Variants in DNAH7 observed in about 807,000 individuals in gnomAD.
DNAH7 encodes the protein dynein axonemal heavy chain 7, also known as axonemal beta dynein heavy chain 7.
DNAH7 carries 397 observed loss-of-function variants against 444.6 expected under a neutral mutation model. The ratio of observed to expected loss-of-function variants is 0.89; its 90% CI spans 0.82 to 0.97. The LOEUF (loss-of-function observed/expected upper bound fraction) is 0.97. Ranked by LOEUF, DNAH7 falls within the 50% of genes least tolerant of loss-of-function variation. DNAH7 has a pLI of 0.00. For synonymous variants in DNAH7, 1,636 were observed against 1,624.4 expected (o/e 1.01, Z -0.17); for missense variants, 4,902 against 4,800.8 (o/e 1.02, Z -0.62).
At chr2:196,058,400 A>T (rs995267249) in intron 1 of DNAH7, among the ~76,000 whole-genome samples, 1 of 152,252 alleles carries the variant, frequency 6.6e-6, no homozygotes, top group South Asian at 2.1e-4. Context: ...ATGCATCCCA[A>T]TTCCACAGGG....
At chr2:195,796,437 CCTCT>C in intron 56 of DNAH7, 135 bp downstream of exon 56, 1 of 1,006,990 alleles carries the variant, frequency 9.9e-7, no homozygotes, top group Non-Finnish European at 1.4e-6. Flanking sequence ...TCAATGTGAG[CCTCT>C]CTCTCCTGCA....
intron 21 of DNAH7, among the ~76,000 whole-genome samples, chr2:195,929,992 C>A (rs1253162202): frequency 2.6e-5 from 4 of 152,204 alleles, no homozygotes; most frequent in Non-Finnish European, 5.9e-5. Flanking sequence ...GGTCTAATAT[C>A]CAGATTCTAT....
chr2:195,901,743 A>C (rs1686722965), intron 27 of DNAH7: 1 of 152,188 alleles, frequency 6.6e-6, no homozygotes, highest in Non-Finnish European at 1.5e-5. Context: ...ATCTGAAGTC[A>C]CAATGTCAGT....
chr2:195,918,296 CTCTCAT>C (rs748634488), intron 24 of DNAH7, among the ~76,000 whole-genome samples: 3 of 152,204 alleles, frequency 2.0e-5, no homozygotes, highest in Non-Finnish European at 2.9e-5. Context: ...CAGATAGGAA[CTCTCAT>C]TCACTGCTGA....
intron 5 of DNAH7, among the ~76,000 whole-genome samples, chr2:196,045,185 A>G: frequency 6.8e-6 from 1 of 147,698 alleles, no homozygotes; most frequent in East Asian, 2.0e-4. Flanking sequence ...GGAAGAGAAG[A>G]GGAGAAGGAG....
intron 19 of DNAH7, among the ~76,000 whole-genome samples, chr2:195,950,851 CAAAAA>C (rs67782183): frequency 3.5e-3 from 129 of 36,712 alleles, no homozygotes; most frequent in African/African-American, 0.011. Context: ...GACTCTGTCT[CAAAAA>C]AAAAAAAAAA....
At chr2:195,950,934 C>T (rs913484679) in intron 19 of DNAH7, among the ~76,000 whole-genome samples, 3 of 147,774 alleles carry the variant, frequency 2.0e-5, no homozygotes, top group African/African-American at 7.4e-5. Context: ...TCTCTATCTC[C>T]TTCAGTTCTG....
intron 63 of DNAH7, among the ~76,000 whole-genome samples, chr2:195,749,747 CCGCGTATTCT>C (rs1693668640): frequency 2.0e-5 from 3 of 151,226 alleles, no homozygotes; most frequent in Admixed American, 6.6e-5. Flanking sequence ...AAACCAAACA[CCGCGTATTCT>C]CACTCATAGG....
intron 63 of DNAH7, among the ~76,000 whole-genome samples, chr2:195,745,914 A>G (rs1574355777): frequency 6.6e-6 from 1 of 152,238 alleles, no homozygotes; most frequent in Non-Finnish European, 1.5e-5. Context: ...TGTAAAGACC[A>G]TCAAGGCTAG....
chr2:195,996,736 C>T (rs546629754), intron 12 of DNAH7, among the ~76,000 whole-genome samples: 12 of 152,212 alleles, frequency 7.9e-5, no homozygotes, highest in African/African-American at 2.9e-4. Context: ...CCAACTTACT[C>T]TTAAATATAC....
At chr2:195,763,390 G>C (rs1694436735) in intron 61 of DNAH7, among the ~76,000 whole-genome samples, 1 of 151,808 alleles carries the variant, frequency 6.6e-6, no homozygotes. Context: ...ATAAAAATCA[G>C]AGCAGGAAAA....
At chr2:196,013,961 G>A (rs1467382154) in intron 9 of DNAH7, among the ~76,000 whole-genome samples, 1 of 152,144 alleles carries the variant, frequency 6.6e-6, no homozygotes, top group Non-Finnish European at 1.5e-5. Context: ...CCTTGCCATT[G>A]AGCCACCAGA....
chr2:195,945,422 A>G (rs1286763346), intron 19 of DNAH7, among the ~76,000 whole-genome samples: 1 of 152,148 alleles, frequency 6.6e-6, no homozygotes, highest in Non-Finnish European at 1.5e-5. Context: ...TACCTATAAA[A>G]CTGGTAACCA....
intron 1 of DNAH7, among the ~76,000 whole-genome samples, chr2:196,067,151 G>A (rs1443365333): frequency 1.3e-5 from 2 of 152,082 alleles, no homozygotes; most frequent in African/African-American, 4.8e-5. Context: ...AGAACTTAAC[G>A]GCTGGTGGGT....
At chr2:196,023,933 G>T (rs1456640793) in intron 8 of DNAH7, among the ~76,000 whole-genome samples, 1 of 152,158 alleles carries the variant, frequency 6.6e-6, no homozygotes, top group African/African-American at 2.4e-5. Context: ...AGAAATGGGG[G>T]AGTGACTGGT....
chr2:195,900,274 T>C lies in DNAH7; in HGVS notation c.4548+8A>G, dbSNP rs1686618542. 1.2e-6 allele frequency: 2 copies of C among 1,613,336 alleles called. No individual in the cohort carries two copies. The highest frequency in any genetic ancestry group is 1.7e-6 in the Non-Finnish European group (2 of 1,179,430). ...AAATTTACAAGTAAGAAATATTGTGTTCTCTACCTTCAGATTCCCAGCAGC... is the reference window on the plus strand; with the variant it reads ...AAATTTACAAGTAAGAAATATTGTGCTCTCTACCTTCAGATTCCCAGCAGC... On this transcript the variant is annotated splice_region_variant and intron_variant, in intron 28 of 64. Transcript: ENST00000312428.
chr2:195,856,230 G>A (rs1472802422), intron 44 of DNAH7, among the ~76,000 whole-genome samples: 7 of 152,146 alleles, frequency 4.6e-5, no homozygotes, highest in African/African-American at 1.7e-4. Context: ...TTGCCAGTAT[G>A]AATTTTGATA....
intron 53 of DNAH7, among the ~76,000 whole-genome samples, chr2:195,807,380 A>G (rs1343824978): frequency 1.3e-5 from 2 of 151,108 alleles, no homozygotes; most frequent in Admixed American, 1.3e-4. Flanking sequence ...CTAGTCTTGA[A>G]CTCCTGACCT....
rs756398621 is a variant in DNAH7, at chr2:195,855,810, C to T, written c.8595+1G>A. On this transcript the variant is annotated splice_donor_variant, in intron 45 of 64. Coordinates refer to ENST00000312428, the MANE Select transcript of DNAH7 (RefSeq NM_018897.3). LOFTEE classifies it high-confidence loss of function. ...CCATCTTTTTCTATATCAGCACACA[C>T]CTGGTTTTCCAGGTCAGCCTTCTTT... 7.4e-6 allele frequency: 12 copies of T among 1,612,436 alleles called. No homozygotes were observed. The highest frequency in any genetic ancestry group is 1.3e-5 in the African/African-American group (1 of 74,770).
Sources: gnomAD v4.1 joint callset for allele counts (sites outside exome capture counted in the v4.1 genomes callset) on GRCh38, gnomAD v4.1.1 for gene constraint, MANE v1.5 for transcripts, NCBI Gene and HGNC (gene_info 2026-07-23, HGNC 2026-07-21) for gene names.